Variants in ITGAE observed in about 807,000 individuals in gnomAD.
ITGAE encodes integrin subunit alpha E, also known as integrin alpha-E.
ITGAE carries 99 observed loss-of-function variants against 136.5 expected under a neutral mutation model. That is an observed-to-expected ratio of 0.73 (90% CI 0.62 to 0.86). ITGAE has a LOEUF of 0.86. Ranked by LOEUF, ITGAE falls within the 40% of genes least tolerant of loss-of-function variation. The probability of loss-of-function intolerance (pLI) is 0.00; values close to 1 mark genes in which losing one functional copy is unlikely to be tolerated. For synonymous variants in ITGAE, 613 were observed against 591.8 expected (o/e 1.04, Z -0.52); for missense variants, 1,447 against 1,515.3 (o/e 0.95, Z 0.75).
chr17:3,761,743 C>T (rs1437409683), intron 4 of ITGAE, among the ~76,000 whole-genome samples, 172 bp downstream of exon 4: 1 of 152,194 alleles, frequency 6.6e-6, no homozygotes, highest in Non-Finnish European at 1.5e-5. Flanking sequence ...TAGGTCAGCC[C>T]TGGTATCAGG....
intron 8 of ITGAE, among the ~76,000 whole-genome samples, chr17:3,758,834 C>G (rs780306382): frequency 6.6e-5 from 10 of 151,928 alleles, no homozygotes; most frequent in Non-Finnish European, 1.3e-4. Context: ...CAGATACAAA[C>G]CAGAGCTGAG....
At chr17:3,801,055 C>T in intron 1 of ITGAE, 56 bp downstream of exon 1, 1 of 1,598,052 alleles carries the variant, frequency 6.3e-7, no homozygotes, top group Non-Finnish European at 8.6e-7. Context: ...TCTGCAGACA[C>T]CTGGCTGGAG....
Position 3,774,697 on chromosome 17 carries a change from G to A in ITGAE, c.155+2843C>T, listed in dbSNP as rs145746641. 5.1e-3 allele frequency among the ~76,000 whole-genome samples: 770 copies of A among 152,142 alleles called. 9 individuals are homozygous for A. The highest frequency in any genetic ancestry group is 0.018 in the African/African-American group (731 of 41,528). Reference sequence around the variant, plus strand: ...GGAGAATCACTTGAACCCAGGAGGCGGAGGTTGCAGTGAGCTGAGATTACA... The same window carrying A: ...GGAGAATCACTTGAACCCAGGAGGCAGAGGTTGCAGTGAGCTGAGATTACA... On this transcript the variant is annotated intron_variant, in intron 2 of 30. Transcript: ENST00000263087.
At chr17:3,749,612 G>A (rs2051813441) in intron 16 of ITGAE, among the ~76,000 whole-genome samples, 1 of 152,162 alleles carries the variant, frequency 6.6e-6, no homozygotes. Context: ...TCAGGGAGGT[G>A]CTGGGTAGAC....
chr17:3,770,811 G>A (rs2052403253), intron 2 of ITGAE, among the ~76,000 whole-genome samples: 1 of 152,134 alleles, frequency 6.6e-6, no homozygotes, highest in Non-Finnish European at 1.5e-5. Context: ...TGCGACACGG[G>A]CTCCAAACTC....
chr17:3,789,657 C>A (rs1366780046), intron 1 of ITGAE, among the ~76,000 whole-genome samples: 2 of 152,130 alleles, frequency 1.3e-5, no homozygotes, highest in Non-Finnish European at 2.9e-5. Flanking sequence ...TGTGCCACCA[C>A]ACCCAGATCA....
chr17:3,792,857 C>G (rs1454940510), intron 1 of ITGAE, among the ~76,000 whole-genome samples: 1 of 152,130 alleles, frequency 6.6e-6, no homozygotes, highest in African/African-American at 2.4e-5. Flanking sequence ...CACAACCAGT[C>G]TGGTTATTCA....
Position 3,755,148 on chromosome 17 carries a change from T to TGCC in ITGAE, c.1350_1352dup (p.Ala451dup), listed in dbSNP as rs759129765. 56 of 1,487,782 alleles carry TGCC rather than the reference T, an allele frequency of 3.8e-5. No homozygotes were observed. Among genetic ancestry groups the TGCC allele is most frequent in the South Asian group, 1.5e-4 (13 of 86,316 alleles). 92.2% of individuals were successfully genotyped at this position (1,487,782 alleles called of 1,614,324 possible). A position where few individuals can be genotyped will look rare whatever the true frequency, so the allele number is the denominator to read the frequency against. On this transcript the variant is annotated inframe_insertion, in exon 12 of 31. Coordinates refer to ENST00000263087, the MANE Select transcript of ITGAE (RefSeq NM_002208.5). ...AGCTGTACTGCGCAGCCTCCGCGTC[T>TGCC]GCCGCCGCCGCCGCTGTCTGGTTCA...
intron 21 of ITGAE, among the ~76,000 whole-genome samples, chr17:3,734,216 A>G (rs374505682): frequency 0.014 from 2,043 of 146,218 alleles, 34 homozygotes; most frequent in East Asian, 0.056. Context: ...GACTACAGGC[A>G]CCCGCCATCG....
At chr17:3,720,582 T>TC in intron 28 of ITGAE, 180 bp from the exon 29 acceptor site, 1 of 416,826 alleles carries the variant, frequency 2.4e-6, no homozygotes, top group Non-Finnish European at 4.1e-6. Flanking sequence ...TTCTTCAACT[T>TC]CCTTTTTTTT....
At chr17:3,753,761 G>A in intron 13 of ITGAE, 22 bp downstream of exon 13, 2 of 1,613,766 alleles carry the variant, frequency 1.2e-6, no homozygotes, top group Non-Finnish European at 1.7e-6. Flanking sequence ...CATAAGGGGT[G>A]GAGGCTTTCC....
chr17:3,729,529 T>C lies in ITGAE; in HGVS notation c.2861A>G (p.Asn954Ser), dbSNP rs769366779. The change falls in exon 24 of 31, where the codon AAC (asparagine) becomes AGC (serine). Residue 954 changes from asparagine to serine, a missense_variant. Physicochemically the swap from Asn to Ser is conservative, Grantham distance 46. Transcript: ENST00000263087. ...CCTGAATTGAAGGGTGTGGGTCTCG[T>C]TGGCCAAAGACCGTCTTTCATTGGA... ...TNSNERRSLANETHTLQFRHG... is the reference protein window; with the variant it reads ...TNSNERRSLASETHTLQFRHG... 32 of 1,606,290 alleles carry C rather than the reference T, an allele frequency of 2.0e-5. No individual in the cohort carries two copies. Among genetic ancestry groups the C allele is most frequent in the African/African-American group, 2.7e-5 (2 of 73,382 alleles).
At chr17:3,735,296 T>C (rs1412193952) in intron 20 of ITGAE, among the ~76,000 whole-genome samples, 1 of 152,176 alleles carries the variant, frequency 6.6e-6, no homozygotes, top group Non-Finnish European at 1.5e-5. Flanking sequence ...GCCTCCTGAG[T>C]AGCTGGGATT....
Position 3,760,219 on chromosome 17 carries a change from C to A in ITGAE, c.667G>T (p.Asp223Tyr). The stretch of plus-strand genomic sequence containing the variant: ...TTCCTCATCATGTTGGAGATGAAGT[C>A]TTTGGCTCTCTGAAAGTCTGGGGGA... ...IDPPDFQRAK[D>Y]FISNMMRNFY... The change falls in exon 7 of 31, where the codon GAC becomes TAC. Residue 223 changes from aspartate (D) to tyrosine (Y), a missense_variant. By Grantham distance (160) the Asp-to-Tyr change is radical (BLOSUM62 -3). Transcript: ENST00000263087. The A allele has an allele frequency of 6.2e-7, 1 of 1,613,902 alleles. No homozygotes were observed. Among genetic ancestry groups the A allele is most frequent in the Non-Finnish European group, 8.5e-7 (1 of 1,179,912 alleles).
intron 20 of ITGAE, among the ~76,000 whole-genome samples, chr17:3,739,249 C>T (rs2051529359): frequency 6.6e-6 from 1 of 152,188 alleles, no homozygotes; most frequent in Non-Finnish European, 1.5e-5. Flanking sequence ...CACTCCTTCC[C>T]ACCTTCCCTG....
intron 1 of ITGAE, among the ~76,000 whole-genome samples, chr17:3,800,403 A>G (rs768665683): frequency 3.9e-5 from 6 of 152,152 alleles, no homozygotes; most frequent in Admixed American, 2.0e-4. Context: ...ACTAGGCAGG[A>G]CCACCCTGGC....
At chr17:3,736,671 G>A (rs183530395) in intron 20 of ITGAE, among the ~76,000 whole-genome samples, 1 of 152,134 alleles carries the variant, frequency 6.6e-6, no homozygotes, top group Admixed American at 6.6e-5. Flanking sequence ...GGTATCACAG[G>A]GACCCAGAGT....
chr17:3,781,603 C>A (rs559127486), intron 1 of ITGAE, among the ~76,000 whole-genome samples: 1 of 152,172 alleles, frequency 6.6e-6, no homozygotes, highest in Non-Finnish European at 1.5e-5. Flanking sequence ...GTGATCCGCC[C>A]GCCTCAGCCT....
At chr17:3,720,262 G>C (rs1445595975) in intron 29 of ITGAE, 45 bp downstream of exon 29, 1 of 905,048 alleles carries the variant, frequency 1.1e-6, no homozygotes, top group Non-Finnish European at 1.9e-6. Context: ...CAAAGGTTAG[G>C]CACAATTTTC....
Sources: allele counts gnomAD v4.1 joint callset (sites outside exome capture counted in the v4.1 genomes callset), GRCh38; gene constraint gnomAD v4.1.1; transcripts MANE v1.5; gene names NCBI Gene and HGNC (gene_info 2026-07-23, HGNC 2026-07-21).